CDH4: variants seen among roughly 807,000 people sequenced by gnomAD.
CDH4 encodes the protein cadherin 4, also known as cadherin-4.
Under a neutral mutation model 86.0 loss-of-function variants are expected in CDH4, and 33 were observed. That is an observed-to-expected ratio of 0.38 (90% CI 0.29 to 0.51). The LOEUF is 0.51. CDH4 is among the 20% of genes least tolerant of loss of function. The pLI, the probability that CDH4 is intolerant of heterozygous loss-of-function variation, is 0.86. For missense variants in CDH4, 1,114 were observed against 1,307.4 expected (o/e 0.85, Z 2.28); for synonymous variants, 555 against 549.4 (o/e 1.01, Z -0.14).
chr20:61,275,299 G>A (rs1483116018), intron 2 of CDH4, among the ~76,000 whole-genome samples: 9 of 138,116 alleles, frequency 6.5e-5, no homozygotes, highest in East Asian at 2.3e-4. Context: ...AGCACCGTGC[G>A]CAGTTTGGGG....
intron 2 of CDH4, among the ~76,000 whole-genome samples, chr20:61,657,809 AGT>A (rs2087208181): frequency 6.6e-6 from 1 of 152,258 alleles, no homozygotes; most frequent in Non-Finnish European, 1.5e-5. Flanking sequence ...AAAAATCAAT[AGT>A]GTTAAATCCA....
At chr20:61,634,401 C>A (rs2086925854) in intron 2 of CDH4, among the ~76,000 whole-genome samples, 4 of 152,220 alleles carry the variant, frequency 2.6e-5, no homozygotes, top group Admixed American at 1.3e-4. Flanking sequence ...ACAGCTCAGG[C>A]AGAGAGCAGT....
chr20:61,652,645 T>A (rs1268156366), intron 2 of CDH4, among the ~76,000 whole-genome samples: 1 of 152,106 alleles, frequency 6.6e-6, no homozygotes, highest in Non-Finnish European at 1.5e-5. Flanking sequence ...TACTTCCATA[T>A]CATCTTCAGA....
At chr20:61,496,461 C>T (rs1176274660) in intron 2 of CDH4, among the ~76,000 whole-genome samples, 1 of 152,122 alleles carries the variant, frequency 6.6e-6, no homozygotes, top group East Asian at 1.9e-4. Context: ...CATATCTATC[C>T]TCTGCCCATC....
chr20:61,619,907 C>T (rs552213503), intron 2 of CDH4, among the ~76,000 whole-genome samples: 7 of 152,340 alleles, frequency 4.6e-5, no homozygotes, highest in South Asian at 2.1e-4. Flanking sequence ...CGAGCATCAG[C>T]GCCAGGCACA....
intron 2 of CDH4, among the ~76,000 whole-genome samples, chr20:61,528,722 T>C (rs2085930893): frequency 1.3e-5 from 2 of 152,112 alleles, no homozygotes; most frequent in Non-Finnish European, 2.9e-5. Flanking sequence ...ACAACGATGA[T>C]TTAGATAGGC....
At chr20:61,785,354 C>T (rs1186010878) in intron 4 of CDH4, among the ~76,000 whole-genome samples, 5 of 152,186 alleles carry the variant, frequency 3.3e-5, no homozygotes, top group African/African-American at 4.8e-5. Context: ...TCTGATCTTG[C>T]CCCTGTCTGT....
intron 2 of CDH4, among the ~76,000 whole-genome samples, chr20:61,714,904 C>G (rs758951980): frequency 5.3e-5 from 8 of 152,196 alleles, no homozygotes; most frequent in Non-Finnish European, 1.0e-4. Flanking sequence ...GCGGTGACGT[C>G]TTTTCCATTG....
At chr20:61,797,092 C>G (rs6089507) in intron 4 of CDH4, among the ~76,000 whole-genome samples, 29 of 150,310 alleles carry the variant, frequency 1.9e-4, no homozygotes, top group Admixed American at 1.3e-3. Context: ...AGCCCCCCCC[C>G]CCCCAACACT....
chr20:61,438,341 C>T (rs1306643945), intron 2 of CDH4, among the ~76,000 whole-genome samples: 1 of 152,180 alleles, frequency 6.6e-6, no homozygotes, highest in African/African-American at 2.4e-5. Context: ...ATCTATACCC[C>T]GTGCAATTTG....
At chr20:61,477,032 GAA>G (rs1428473910) in intron 2 of CDH4, among the ~76,000 whole-genome samples, 1 of 152,224 alleles carries the variant, frequency 6.6e-6, no homozygotes, top group Non-Finnish European at 1.5e-5. Flanking sequence ...CAGCTCAAGG[GAA>G]AGAGCCAGGG....
chr20:61,460,531 A>G (rs1025621651), intron 2 of CDH4, among the ~76,000 whole-genome samples: 1 of 152,180 alleles, frequency 6.6e-6, no homozygotes, highest in Non-Finnish European at 1.5e-5. Flanking sequence ...TCATTTTACA[A>G]GGGTCCATGT....
rs202035831 is a variant in CDH4, at chr20:61,302,487, G to GT, written c.169+47550_169+47551insT. ...TGTATGTGTTTCCTTGGCCTGGGTT[G>GT]GGGGGGGTCTGTTGTCACAAACGTC... On this transcript the variant is annotated intron_variant, in intron 2 of 15. Transcript: ENST00000614565. 9.8e-3 allele frequency among the ~76,000 whole-genome samples: 1,218 copies of GT among 124,494 alleles called. 18 individuals carry two copies. The highest frequency in any genetic ancestry group is 0.035 in the African/African-American group (1,157 of 32,818). 81.7% of individuals were successfully genotyped at this position (124,494 alleles called of 152,430 possible). A position where few individuals can be genotyped will look rare whatever the true frequency, so the allele number is the denominator to read the frequency against.
At chr20:61,869,114 T>G (rs956083400) in intron 6 of CDH4, among the ~76,000 whole-genome samples, 2 of 152,246 alleles carry the variant, frequency 1.3e-5, no homozygotes, top group African/African-American at 4.8e-5. Flanking sequence ...GGTAAAACAT[T>G]ATTTTCCTTT....
rs116114080 is a variant in CDH4 at position 61,268,223 on chromosome 20, G to A, written c.169+13286G>A. Among the ~76,000 whole-genome samples the A allele has an allele frequency of 1.6e-3, 244 of 152,314 alleles. 1 individual carries two copies. Among genetic ancestry groups the A allele is most frequent in the African/African-American group, 5.6e-3 (231 of 41,578 alleles). ...ATGTAGCTGGATGCCAGAGCATCTCGGGTCCACCCACCTCTCCAGCATGGA... is the reference window on the plus strand; with the variant it reads ...ATGTAGCTGGATGCCAGAGCATCTCAGGTCCACCCACCTCTCCAGCATGGA... On this transcript the variant is annotated intron_variant, in intron 2 of 15. Transcript: ENST00000614565.
At chr20:61,489,003 C>T (rs1234240337) in intron 2 of CDH4, among the ~76,000 whole-genome samples, 1 of 152,138 alleles carries the variant, frequency 6.6e-6, no homozygotes, top group Non-Finnish European at 1.5e-5. Context: ...CATTACTTTA[C>T]ACTTCAATGC....
rs1369386408 is a variant in CDH4 at position 61,480,863 on chromosome 20, A to G, written c.169+225926A>G. Reference sequence around the variant, plus strand: ...TTGAACTGCAGTTTGTTGGCTGTGCATTAGGTCTGCTCCTACATGCATTGC... The same window carrying G: ...TTGAACTGCAGTTTGTTGGCTGTGCGTTAGGTCTGCTCCTACATGCATTGC... On this transcript the variant is annotated intron_variant, in intron 2 of 15. Transcript: ENST00000614565. The surrounding 1 kb of genome is among the most constrained non-coding windows in gnomAD (Gnocchi z 5.2). Among the ~76,000 whole-genome samples the G allele has an allele frequency of 6.6e-6, 1 of 152,246 alleles. No homozygotes were observed. Among genetic ancestry groups the G allele is most frequent in the Admixed American group, 6.5e-5 (1 of 15,284 alleles).
chr20:61,368,132 G>A (rs2084821047), intron 2 of CDH4, among the ~76,000 whole-genome samples: 2 of 152,174 alleles, frequency 1.3e-5, no homozygotes, highest in African/African-American at 4.8e-5. Context: ...GCCTCCCAAA[G>A]TGCTGGGATT....
At chr20:61,796,084 ACCAT>A (rs1979522396) in intron 4 of CDH4, among the ~76,000 whole-genome samples, 1 of 151,726 alleles carries the variant, frequency 6.6e-6, no homozygotes, top group African/African-American at 2.4e-5. Context: ...AGCCCAGACC[ACCAT>A]CCAGGGAGGC....
Sources: allele counts gnomAD v4.1 joint callset (sites outside exome capture counted in the v4.1 genomes callset), GRCh38; gene constraint gnomAD v4.1.1; non-coding constraint Gnocchi (gnomAD v3.1); transcripts MANE v1.5; gene names NCBI Gene and HGNC (gene_info 2026-07-23, HGNC 2026-07-21).